ASIC2: variants seen among roughly 807,000 people sequenced by gnomAD.
The protein encoded by ASIC2 is acid-sensing ion channel 2.
Under a neutral mutation model 57.3 loss-of-function variants are expected in ASIC2, and 25 were observed. The observed-to-expected ratio is 0.44, with a 90% CI of 0.32 to 0.61. The LOEUF (loss-of-function observed/expected upper bound fraction) is 0.61, where lower values mean the gene tolerates loss of function less well. Among genes scored for constraint, ASIC2 ranks in the 20% least tolerant of loss-of-function variants. The pLI is 0.06. For missense variants in ASIC2, 641 were observed against 738.1 expected, an observed-to-expected ratio of 0.87 and a Z score of 1.52; for synonymous variants, 319 against 307.5, an observed-to-expected ratio of 1.04 and a Z score of -0.39.
intron 1 of ASIC2, among the ~76,000 whole-genome samples, chr17:33,242,395 C>A (rs2142120928): frequency 6.6e-6 from 1 of 152,042 alleles, no homozygotes; most frequent in Non-Finnish European, 1.5e-5. Flanking sequence ...AGGAAAATCA[C>A]AACTGCCTGT....
At chr17:33,767,457 C>G (rs1475957158) in intron 1 of ASIC2, among the ~76,000 whole-genome samples, 1 of 152,148 alleles carries the variant, frequency 6.6e-6, no homozygotes, top group Admixed American at 6.5e-5. Flanking sequence ...AAGTTAAAAT[C>G]AGAGGTTACA....
chr17:33,393,395 G>A (rs533987102), intron 1 of ASIC2, among the ~76,000 whole-genome samples: 2 of 151,654 alleles, frequency 1.3e-5, no homozygotes, highest in African/African-American at 4.9e-5. Context: ...TCCTTCTCCC[G>A]CCCACATATC....
chr17:33,110,951 C>T (rs73982427), intron 2 of ASIC2, among the ~76,000 whole-genome samples: 3,649 of 152,288 alleles, frequency 0.024, 151 homozygotes, highest in African/African-American at 0.083. Flanking sequence ...ATGCCCTGAA[C>T]GCAGCATTAA....
intron 1 of ASIC2, chr17:34,039,546 T>A (rs1344197443): frequency 6.2e-7 from 1 of 1,613,804 alleles, no homozygotes; most frequent in Non-Finnish European, 8.5e-7. Flanking sequence ...GCAGTGAGGA[T>A]CGTGCAACTG....
chr17:34,112,420 C>T (rs1423192247), intron 1 of ASIC2, among the ~76,000 whole-genome samples: 1 of 151,488 alleles, frequency 6.6e-6, no homozygotes, highest in African/African-American at 2.4e-5. Flanking sequence ...TCCACCACCT[C>T]CAAAGTTTTC....
At chr17:33,481,863 G>A (rs1461393572) in intron 1 of ASIC2, among the ~76,000 whole-genome samples, 1 of 152,056 alleles carries the variant, frequency 6.6e-6, no homozygotes, top group Non-Finnish European at 1.5e-5. Context: ...TCCATCCCCT[G>A]CCACTTGGCT....
rs528004852 is a variant in ASIC2, at chr17:33,175,907, C to T, written c.709-63840G>A. Among the ~76,000 whole-genome samples the T allele has an allele frequency of 2.6e-5, 4 of 152,242 alleles. No homozygotes were observed. The South Asian group carries it at 6.2e-4, about 24-fold the overall frequency. ...ATTTGCCATGCCTCTGTTTGACATC[C>T]CTCCCCACTGTTCTCTGTGAAAAGC... On this transcript the variant is annotated intron_variant, in intron 1 of 9. Transcript: ENST00000225823.
chr17:33,158,586 C>T lies in ASIC2; in HGVS notation c.709-46519G>A, dbSNP rs1199415675. On this transcript the variant is annotated intron_variant, in intron 1 of 9. Transcript: ENST00000225823. Reference sequence around the variant, plus strand: ...CTTTTAGGAGAGTGATTGGCATGGCCAAATAATTTTTACCTGTTACCAAGC... The same window carrying T: ...CTTTTAGGAGAGTGATTGGCATGGCTAAATAATTTTTACCTGTTACCAAGC... Among the ~76,000 whole-genome samples the T allele has an allele frequency of 2.6e-5, 4 of 152,176 alleles. No homozygotes were observed. The East Asian group carries it at 7.7e-4, about 29-fold the overall frequency.
chr17:33,262,870 A>G (rs1043559405), intron 1 of ASIC2, among the ~76,000 whole-genome samples: 10 of 152,204 alleles, frequency 6.6e-5, no homozygotes, highest in African/African-American at 2.2e-4. Context: ...AGCCTCGCCC[A>G]TGTGTAGATG....
At chr17:34,106,337 T>C (rs1160310348) in intron 1 of ASIC2, among the ~76,000 whole-genome samples, 1 of 152,142 alleles carries the variant, frequency 6.6e-6, no homozygotes, top group Non-Finnish European at 1.5e-5. Flanking sequence ...GAAGTATCTT[T>C]CTCTCATCAA....
chr17:33,488,212 C>G (rs537252399), intron 1 of ASIC2, among the ~76,000 whole-genome samples: 2 of 152,126 alleles, frequency 1.3e-5, no homozygotes, highest in African/African-American at 4.8e-5. Context: ...CACTCTCCCC[C>G]ACCCTGTTTG....
At chr17:33,141,182 C>T (rs1296013759) in intron 1 of ASIC2, among the ~76,000 whole-genome samples, 1 of 152,174 alleles carries the variant, frequency 6.6e-6, no homozygotes, top group African/African-American at 2.4e-5. Context: ...ATCTCCATCA[C>T]CAGATTGAAG....
intron 1 of ASIC2, among the ~76,000 whole-genome samples, chr17:33,381,621 C>G (rs117911671): frequency 6.6e-6 from 1 of 152,156 alleles, no homozygotes; most frequent in Non-Finnish European, 1.5e-5. Flanking sequence ...GATGATAACA[C>G]CCACTTGGGA....
intron 1 of ASIC2, among the ~76,000 whole-genome samples, chr17:33,640,832 G>A (rs1906540292): frequency 6.6e-6 from 1 of 152,214 alleles, no homozygotes; most frequent in African/African-American, 2.4e-5. Context: ...TGGCCTGCGA[G>A]AGTCAGGTTT....
intron 1 of ASIC2, among the ~76,000 whole-genome samples, chr17:33,118,756 A>G (rs2092290212): frequency 6.6e-6 from 1 of 152,112 alleles, no homozygotes; most frequent in Non-Finnish European, 1.5e-5. Context: ...TAGAGATCTG[A>G]CCTGGGCTTC....
chr17:33,498,638 G>A (rs1047165385), intron 1 of ASIC2, among the ~76,000 whole-genome samples: 1 of 152,198 alleles, frequency 6.6e-6, no homozygotes, highest in African/African-American at 2.4e-5. Context: ...CCCTTGCTCT[G>A]GTCCCGGCAC....
rs1278184236 is a variant in ASIC2, at chr17:33,995,375, C to T, written c.555+160603G>A. Among the ~76,000 whole-genome samples, 4 of 152,114 alleles carry T rather than the reference C, an allele frequency of 2.6e-5. No homozygotes were observed. In the South Asian group the frequency reaches 6.2e-4, roughly 24 times the overall value. The stretch of plus-strand genomic sequence containing the variant: ...GGAACCTGGCAGAAGGAGAGTCTCC[C>T]CTGTCCATCCTTTACCCACCTCTTC... On this transcript the variant is annotated intron_variant, in intron 1 of 9. Coordinates refer to the ASIC2 transcript ENST00000359872.
intron 1 of ASIC2, among the ~76,000 whole-genome samples, chr17:34,052,054 T>C (rs893015824): frequency 6.6e-6 from 1 of 152,166 alleles, no homozygotes; most frequent in Non-Finnish European, 1.5e-5. Flanking sequence ...TCATTCTTGA[T>C]TGATTCATCC....
chr17:34,019,523 C>A (rs1331953352), intron 1 of ASIC2, among the ~76,000 whole-genome samples: 1 of 152,214 alleles, frequency 6.6e-6, no homozygotes, highest in African/African-American at 2.4e-5. Flanking sequence ...AACACTGAGG[C>A]AAGACCCTCC....
Sources: gnomAD v4.1 joint callset for allele counts (sites outside exome capture counted in the v4.1 genomes callset) on GRCh38, gnomAD v4.1.1 for gene constraint, MANE v1.5 for transcripts, NCBI Gene and HGNC (gene_info 2026-07-23, HGNC 2026-07-21) for gene names.